SUCLG2: variants seen among roughly 807,000 people sequenced by gnomAD.
SUCLG2 encodes succinate-CoA ligase GDP-forming subunit beta, also known as succinate--CoA ligase [GDP-forming] subunit beta, mitochondrial.
SUCLG2 carries 42 observed loss-of-function variants against 47.9 expected under a neutral mutation model. That is an observed-to-expected ratio of 0.88 (90% confidence interval 0.69 to 1.14). SUCLG2 has a LOEUF of 1.14. SUCLG2 is among the 50% of genes most tolerant of loss of function. SUCLG2 has a pLI of 0.00. For synonymous variants in SUCLG2, 195 were observed against 197.3 expected, an observed-to-expected ratio of 0.99 and a Z score of 0.10; for missense variants, 571 against 525.9, an observed-to-expected ratio of 1.09 and a Z score of -0.84.
At chr3:67,558,844 T>C (rs919751349) in intron 2 of SUCLG2, among the ~76,000 whole-genome samples, 4 of 152,120 alleles carry the variant, frequency 2.6e-5, no homozygotes, top group East Asian at 1.9e-4. Context: ...CAATGATCCT[T>C]TTACCCTTAC....
chr3:67,523,827 T>C (rs1332455578), intron 4 of SUCLG2, among the ~76,000 whole-genome samples: 4 of 152,188 alleles, frequency 2.6e-5, no homozygotes, highest in Non-Finnish European at 5.9e-5. Context: ...TAATACTTAA[T>C]GACTTTCAGT....
At chr3:67,447,582 T>C (rs1703956181) in intron 9 of SUCLG2, among the ~76,000 whole-genome samples, 1 of 152,224 alleles carries the variant, frequency 6.6e-6, no homozygotes, top group African/African-American at 2.4e-5. Flanking sequence ...AGGAACAAGA[T>C]ACTTCAGGAG....
In SUCLG2 at chr3:67,626,969, T is replaced by C. The variant is rs529141608; in HGVS notation, c.85-17373A>G. ...ACATCAGACAGACGTGAGAGGACAG[T>C]ATATGTATCAAAAAATTTTCAACTA... On this transcript the variant is annotated intron_variant, in intron 1 of 10. Transcript: ENST00000307227. 3.6e-5 allele frequency among the ~76,000 whole-genome samples: 5 copies of C among 137,196 alleles called. No homozygotes were observed. The South Asian group carries it at 9.5e-4, about 26-fold the overall frequency. The allele number at this position is 137,196 out of a possible 152,430, so 90.0% of individuals were successfully genotyped here.
At chr3:67,645,204 T>C (rs542294913) in intron 1 of SUCLG2, among the ~76,000 whole-genome samples, 1 of 152,312 alleles carries the variant, frequency 6.6e-6, no homozygotes, top group East Asian at 1.9e-4. Context: ...TCTCCCCACA[T>C]ATTAAAATTA....
chr3:67,399,392 T>C (rs7609970), intron 10 of SUCLG2, among the ~76,000 whole-genome samples: 36,209 of 152,074 alleles, frequency 0.24, 4,820 homozygotes, highest in African/African-American at 0.35. Context: ...GAATAAAGAC[T>C]GACACACTAT....
intron 10 of SUCLG2, among the ~76,000 whole-genome samples, chr3:67,365,186 T>A (rs941924349): frequency 1.1e-4 from 17 of 152,114 alleles, no homozygotes; most frequent in African/African-American, 4.1e-4. Flanking sequence ...GAGCTAATAT[T>A]TATGTCACCG....
intron 9 of SUCLG2, among the ~76,000 whole-genome samples, chr3:67,488,044 G>C (rs1278101789): frequency 6.6e-6 from 1 of 151,778 alleles, no homozygotes; most frequent in Admixed American, 6.6e-5. Context: ...AAAAAAGAAA[G>C]AAAGCAGACT....
chr3:67,410,099 T>A (rs1396765221), intron 9 of SUCLG2, among the ~76,000 whole-genome samples: 4 of 152,192 alleles, frequency 2.6e-5, no homozygotes, highest in African/African-American at 9.7e-5. Flanking sequence ...AAAGAGTCAA[T>A]GGGTTGGAAA....
chr3:67,501,754 GA>G (rs1413757367), intron 7 of SUCLG2, among the ~76,000 whole-genome samples: 14 of 152,078 alleles, frequency 9.2e-5, no homozygotes, highest in Admixed American at 7.9e-4. Context: ...GGGGACTGGA[GA>G]GCTTACAGGT....
intron 1 of SUCLG2, among the ~76,000 whole-genome samples, chr3:67,651,407 C>CT (rs1701282738): frequency 6.6e-6 from 1 of 152,226 alleles, no homozygotes; most frequent in Non-Finnish European, 1.5e-5. Flanking sequence ...CTAACACACT[C>CT]TTCCCCTTAG....
At chr3:67,466,474 A>G (rs1461399529) in intron 9 of SUCLG2, among the ~76,000 whole-genome samples, 1 of 152,234 alleles carries the variant, frequency 6.6e-6, no homozygotes, top group Non-Finnish European at 1.5e-5. Context: ...ATCAAGGCTG[A>G]CTGCCTCCAT....
intron 6 of SUCLG2, among the ~76,000 whole-genome samples, chr3:67,511,518 C>G (rs1041459291): frequency 3.9e-5 from 6 of 152,130 alleles, no homozygotes; most frequent in Non-Finnish European, 5.9e-5. Context: ...CACAAGCTCT[C>G]TTGCCTGCCA....
In SUCLG2 at chr3:67,375,482, C is replaced by G; in HGVS notation, c.*262G>C. 8.6e-7 allele frequency: 1 copy of G among 1,159,226 alleles called. No homozygotes were observed. The highest frequency in any genetic ancestry group is 2.9e-5 in the South Asian group (1 of 34,082). The allele number at this position is 1,159,226 out of a possible 1,614,324, so 71.8% of individuals were successfully genotyped here. A position where few individuals can be genotyped will look rare whatever the true frequency, so the allele number is the denominator to read the frequency against. On this transcript the variant is annotated 3_prime_UTR_variant, in exon 11 of 11. Transcript: ENST00000307227. ...GGCCACATAGACCACTCCCCAAAGTCTGCAAAACACTGCCTACTGGGCAGG... is the reference window on the plus strand; with the variant it reads ...GGCCACATAGACCACTCCCCAAAGTGTGCAAAACACTGCCTACTGGGCAGG...
chr3:67,635,412 G>GA (rs1338619631), intron 1 of SUCLG2, among the ~76,000 whole-genome samples: 3 of 152,172 alleles, frequency 2.0e-5, no homozygotes, highest in African/African-American at 7.2e-5. Flanking sequence ...AGACATAAGT[G>GA]AAAAAAGCTG....
chr3:67,493,961 A>G (rs1447093875), intron 9 of SUCLG2, among the ~76,000 whole-genome samples: 1 of 152,244 alleles, frequency 6.6e-6, no homozygotes, highest in Non-Finnish European at 1.5e-5. Context: ...TTGAACTTCA[A>G]TAACTTGGCT....
At chr3:67,534,469 C>T (rs903386709) in intron 2 of SUCLG2, among the ~76,000 whole-genome samples, 1 of 151,778 alleles carries the variant, frequency 6.6e-6, no homozygotes, top group Non-Finnish European at 1.5e-5. Flanking sequence ...ATATTATGGG[C>T]CACATTAAAA....
chr3:67,550,799 G>A (rs1390761496), intron 2 of SUCLG2, among the ~76,000 whole-genome samples: 1 of 152,188 alleles, frequency 6.6e-6, no homozygotes, highest in South Asian at 2.1e-4. Context: ...CTAGGGGTCT[G>A]AGCGGCTTTG....
chr3:67,538,864 A>G (rs528555254), intron 2 of SUCLG2, among the ~76,000 whole-genome samples: 11 of 152,164 alleles, frequency 7.2e-5, no homozygotes, highest in Non-Finnish European at 8.8e-5. Context: ...TTGTTTGTCT[A>G]TTAATGGTGT....
At chr3:67,539,181 T>C (rs997173414) in intron 2 of SUCLG2, among the ~76,000 whole-genome samples, 25 of 152,220 alleles carry the variant, frequency 1.6e-4, no homozygotes, top group African/African-American at 6.0e-4. Context: ...TTCAATATGA[T>C]ATTGGCTGTG....
Sources: allele counts gnomAD v4.1 joint callset (sites outside exome capture counted in the v4.1 genomes callset), GRCh38; gene constraint gnomAD v4.1.1; transcripts MANE v1.5; gene names NCBI Gene and HGNC (gene_info 2026-07-23, HGNC 2026-07-21).